Variants in MCF2L2 observed in about 807,000 individuals in gnomAD.
MCF2L2 encodes MCF.2 cell line derived transforming sequence-like 2.
MCF2L2 carries 102 observed loss-of-function variants against 150.2 expected under a neutral mutation model. The ratio of observed to expected loss-of-function variants is 0.68; its 90% CI spans 0.58 to 0.80. The LOEUF is 0.80. Ranked by LOEUF, MCF2L2 falls within the 30% of genes least tolerant of loss-of-function variation. The pLI is 0.00. For synonymous variants in MCF2L2, 465 were observed against 491.3 expected (o/e 0.95, Z 0.71); for missense variants, 1,256 against 1,372.8 (o/e 0.91, Z 1.34).
intron 23 of MCF2L2, 79 bp from the exon 24 acceptor site, chr3:183,206,293 C>G (rs549980102): frequency 1.3e-5 from 14 of 1,040,312 alleles, no homozygotes; most frequent in Non-Finnish European, 2.1e-5. Flanking sequence ...CACTCTAATC[C>G]TTTCTATCCT....
At chr3:183,317,433 T>C (rs1480354140) in intron 7 of MCF2L2, among the ~76,000 whole-genome samples, 2 of 152,128 alleles carry the variant, frequency 1.3e-5, no homozygotes, top group African/African-American at 2.4e-5. Context: ...CTGTACTGCA[T>C]GAGTGAAAGA....
chr3:183,423,638 T>TG (rs1220914012), intron 1 of MCF2L2, among the ~76,000 whole-genome samples: 43 of 141,480 alleles, frequency 3.0e-4, no homozygotes, highest in African/African-American at 1.0e-3. Context: ...ATTTGTTTTT[T>TG]TTTTTTTTTT....
intron 13 of MCF2L2, among the ~76,000 whole-genome samples, chr3:183,291,151 C>T (rs1293311563): frequency 6.6e-6 from 1 of 152,112 alleles, no homozygotes; most frequent in Non-Finnish European, 1.5e-5. Context: ...GTGAGTGATT[C>T]CAGGCACAAT....
At chr3:183,207,849 A>G (rs773715072) in intron 22 of MCF2L2, 26 bp from the exon 23 acceptor site, 2 of 1,560,888 alleles carry the variant, frequency 1.3e-6, no homozygotes, top group South Asian at 1.1e-5. Context: ...ATACAGGAAA[A>G]GAAGCTGTAA....
chr3:183,328,664 A>G (rs1213239622), intron 5 of MCF2L2, among the ~76,000 whole-genome samples: 1 of 152,266 alleles, frequency 6.6e-6, no homozygotes, highest in Non-Finnish European at 1.5e-5. Flanking sequence ...AACCCATAAA[A>G]GAAAAGCTGA....
At chr3:183,214,223 A>G (rs906077316) in intron 22 of MCF2L2, among the ~76,000 whole-genome samples, 1 of 152,252 alleles carries the variant, frequency 6.6e-6, no homozygotes, top group African/African-American at 2.4e-5. Flanking sequence ...AAAAAGGAAC[A>G]GAAAGATGCC....
rs1721423314 is a variant in MCF2L2 at position 183,179,254 on chromosome 3, C to T, written c.*126G>A. ...CTCCTCGGAGGAGGCCCTGGTTGTCCCCTTTCTGCCGCCGCCGAGGCTCCG... is the reference window on the plus strand; with the variant it reads ...CTCCTCGGAGGAGGCCCTGGTTGTCTCCTTTCTGCCGCCGCCGAGGCTCCG... On this transcript the variant is annotated 3_prime_UTR_variant, in exon 30 of 30. Transcript: ENST00000328913. This position sits in a 1 kb window ranked among gnomAD's most constrained non-coding sequence, Gnocchi z 4.2. The T allele has an allele frequency of 1.4e-5, 18 of 1,291,446 alleles. No homozygotes were observed. Among genetic ancestry groups the T allele is most frequent in the African/African-American group, 1.6e-5 (1 of 63,846 alleles). 80.0% of individuals were successfully genotyped at this position (1,291,446 alleles called of 1,614,324 possible).
chr3:183,426,831 T>C (rs1159245399), intron 1 of MCF2L2, among the ~76,000 whole-genome samples: 1 of 152,246 alleles, frequency 6.6e-6, no homozygotes, highest in Middle Eastern at 3.2e-3. Context: ...TTTTCTAAAC[T>C]TGAATTATCA....
At chr3:183,422,451 G>T (rs73186924) in intron 1 of MCF2L2, among the ~76,000 whole-genome samples, 12,891 of 152,232 alleles carry the variant, frequency 0.085, 570 homozygotes, top group African/African-American at 0.095. Context: ...TCATGAGGGA[G>T]CTGGGGCAAA....
chr3:183,321,569 G>A (rs1729815871), intron 6 of MCF2L2, among the ~76,000 whole-genome samples: 9 of 152,186 alleles, frequency 5.9e-5, no homozygotes, highest in Admixed American at 5.9e-4. Context: ...GAAAAATGGT[G>A]CTGATAGACT....
intron 27 of MCF2L2, among the ~76,000 whole-genome samples, chr3:183,191,920 A>C (rs1721907022): frequency 2.0e-5 from 3 of 151,538 alleles, no homozygotes. Flanking sequence ...GGCTCACTGC[A>C]AGCTCCGCCT....
rs1577060841 is a variant in MCF2L2 at position 183,319,833 on chromosome 3, T to C, written c.604-1616A>G. ...TGCTGCCATCCAGGCTCTGTTGTTC[T>C]ATTTCTAGGGCACAGGCAGAGTAGA... On this transcript the variant is annotated intron_variant, in intron 6 of 29. Coordinates refer to ENST00000328913, the MANE Select transcript of MCF2L2 (RefSeq NM_015078.4). 2.6e-5 allele frequency among the ~76,000 whole-genome samples: 4 copies of C among 152,326 alleles called. No individual in the cohort carries two copies. In the South Asian group the frequency reaches 8.3e-4, roughly 32 times the overall value.
In MCF2L2 at chr3:183,305,359, T is replaced by G. The variant is rs1577048632; in HGVS notation, c.1113+4357A>C. Among the ~76,000 whole-genome samples the G allele has an allele frequency of 6.6e-6, 1 of 152,232 alleles. No homozygotes were observed. The highest frequency in any genetic ancestry group is 1.9e-4 in the East Asian group (1 of 5,186). ...TTTTTAAGTCCAGCTGCCTAATTTA[T>G]TAAGAACAGGGCAGAATTTTCTGGG... On this transcript the variant is annotated intron_variant, in intron 10 of 29. Coordinates refer to ENST00000328913, the MANE Select transcript of MCF2L2 (RefSeq NM_015078.4). This position sits in a 1 kb window ranked among gnomAD's most constrained non-coding sequence, Gnocchi z 4.1.
intron 15 of MCF2L2, among the ~76,000 whole-genome samples, chr3:183,266,684 T>G (rs567552210): frequency 1.8e-4 from 27 of 152,324 alleles, no homozygotes; most frequent in African/African-American, 6.3e-4. Flanking sequence ...TGATATTTTC[T>G]GACGTCTTTC....
intron 23 of MCF2L2, among the ~76,000 whole-genome samples, 172 bp downstream of exon 23, chr3:183,207,436 C>G (rs957976672): frequency 2.0e-5 from 3 of 152,226 alleles, no homozygotes; most frequent in Non-Finnish European, 4.4e-5. Context: ...GGCCCATAAG[C>G]TCTGACCCTG....
intron 27 of MCF2L2, among the ~76,000 whole-genome samples, chr3:183,191,285 T>A (rs1360801991): frequency 6.7e-6 from 1 of 149,324 alleles, no homozygotes; most frequent in Non-Finnish European, 1.5e-5. Context: ...CCTATCACCA[T>A]CCCCCACCAG....
chr3:183,389,815 A>G, intron 1 of MCF2L2, 36 bp from the exon 2 acceptor site: 1 of 1,501,632 alleles, frequency 6.7e-7, no homozygotes, highest in Non-Finnish European at 9.3e-7. Flanking sequence ...TTAGTTAAAC[A>G]TGTGCAAATT....
chr3:183,252,037 T>C (rs1333300469), intron 15 of MCF2L2, among the ~76,000 whole-genome samples: 3 of 149,914 alleles, frequency 2.0e-5, no homozygotes, highest in Non-Finnish European at 4.4e-5. Context: ...TTTGTATGTG[T>C]GTCTACCACT....
chr3:183,250,174 C>T (rs1241525622), intron 15 of MCF2L2, among the ~76,000 whole-genome samples: 1 of 152,202 alleles, frequency 6.6e-6, no homozygotes, highest in Non-Finnish European at 1.5e-5. Flanking sequence ...AAGTCCTGTC[C>T]ATTAACCATT....
Sources: allele counts gnomAD v4.1 joint callset (sites outside exome capture counted in the v4.1 genomes callset), GRCh38; gene constraint gnomAD v4.1.1; non-coding constraint Gnocchi (gnomAD v3.1); transcripts MANE v1.5; gene names NCBI Gene and HGNC (gene_info 2026-07-23, HGNC 2026-07-21).